The following FCSK variants were observed in gnomAD, a reference collection of about 807,000 sequenced individuals.
The protein encoded by FCSK is L-fucose kinase.
Under a neutral mutation model 122.5 loss-of-function variants are expected in FCSK, and 123 were observed. The ratio of observed to expected loss-of-function variants is 1.00; its 90% CI spans 0.87 to 1.17. The LOEUF is 1.17. Among genes scored for constraint, FCSK ranks in the 50% most tolerant of loss-of-function variants. The probability of loss-of-function intolerance (pLI) is 0.00; values close to 1 mark genes in which losing one functional copy is unlikely to be tolerated. For synonymous variants in FCSK, 620 were observed against 625.5 expected, an observed-to-expected ratio of 0.99 and a Z score of 0.13; for missense variants, 1,366 against 1,450.4, an observed-to-expected ratio of 0.94 and a Z score of 0.95.
chr16:70,478,793 C>T, intron 22 of FCSK, 143 bp downstream of exon 22: 1 of 752,006 alleles, frequency 1.3e-6, no homozygotes, highest in Non-Finnish European at 2.3e-6. Flanking sequence ...TCTGTCCTCT[C>T]CAGGGTCTCA....
In FCSK at chr16:70,474,892, G is replaced by A. The variant is rs1268190695; in HGVS notation, c.2258G>A (p.Arg753His). 6 of 1,607,174 alleles carry A rather than the reference G, an allele frequency of 3.7e-6. No homozygotes were observed. The highest frequency in any genetic ancestry group is 1.1e-5 in the South Asian group (1 of 90,148). The change falls in exon 18 of 24, where the codon CGC becomes CAC. Residue 753 changes from arginine (R) to histidine (H), a missense_variant. Coordinates refer to ENST00000288078, the MANE Select transcript of FCSK (RefSeq NM_145059.3). ...CGCCGGCCCATCGGAGCCAGGGCAC[G>A]CCGCATCCCGGAGCCTGAGCTGTGG... is the stretch of plus-strand genomic sequence containing the variant. ...DGRRPIGARA[R>H]RIPEPELWLA...
intron 1 of FCSK, among the ~76,000 whole-genome samples, chr16:70,455,514 C>CAAG (rs939021667): frequency 6.6e-5 from 10 of 151,204 alleles, no homozygotes; most frequent in Non-Finnish European, 1.5e-4. Context: ...CCAACAACAA[C>CAAG]AACAACAAAA....
In FCSK at chr16:70,471,329, G is replaced by C. The variant is rs756236846; in HGVS notation, c.1318G>C (p.Val440Leu). 4.0e-5 allele frequency: 64 copies of C among 1,593,426 alleles called. No individual in the cohort carries two copies. The highest frequency in any genetic ancestry group is 4.9e-5 in the Non-Finnish European group (57 of 1,168,876). Residue 440 changes from valine to leucine, a missense_variant, in exon 13 of 24, where the codon GTT becomes CTT. Val to Leu is a conservative substitution (Grantham distance 32, BLOSUM62 1). Transcript: ENST00000288078. ...HGSPGHAFTL[V>L]GRLDSWERQG... Reference sequence around the variant, plus strand: ...CTCCCCGGGCCACGCCTTCACCCTCGTTGGCCGTCTGGACAGCTGGGAGGT... The same window carrying C: ...CTCCCCGGGCCACGCCTTCACCCTCCTTGGCCGTCTGGACAGCTGGGAGGT...
At chr16:70,463,865 T>A in intron 3 of FCSK, 91 bp downstream of exon 3, 1 of 1,369,796 alleles carries the variant, frequency 7.3e-7, no homozygotes, top group Non-Finnish European at 9.9e-7. Context: ...CTCCATCGCC[T>A]TGGCCAACTC....
At chr16:70,459,500 T>G (rs2048196033) in intron 1 of FCSK, among the ~76,000 whole-genome samples, 1 of 152,052 alleles carries the variant, frequency 6.6e-6, no homozygotes, top group Non-Finnish European at 1.5e-5. Flanking sequence ...ATTGTACCAC[T>G]GCACTCCAGC....
chr16:70,479,495 C>G (rs1273563091), intron 23 of FCSK, 84 bp from the exon 24 acceptor site: 1 of 1,479,546 alleles, frequency 6.8e-7, no homozygotes, highest in Non-Finnish European at 9.3e-7. Flanking sequence ...ATCTGTAAGT[C>G]CCCCTGGTCC....
chr16:70,466,987 T>A (rs1272545369), intron 6 of FCSK, 33 bp downstream of exon 6: 1 of 1,597,320 alleles, frequency 6.3e-7, no homozygotes, highest in Non-Finnish European at 8.6e-7. Context: ...CTGCCTTCCT[T>A]CGTCACAGCC....
chr16:70,455,096 G>GT (rs777329436), intron 1 of FCSK, among the ~76,000 whole-genome samples: 9 of 152,182 alleles, frequency 5.9e-5, no homozygotes, highest in Non-Finnish European at 1.2e-4. Context: ...ACTTCTTTCG[G>GT]TCTGTTATTT....
intron 1 of FCSK, among the ~76,000 whole-genome samples, chr16:70,460,204 C>T (rs548803989): frequency 1.4e-4 from 20 of 147,960 alleles, no homozygotes; most frequent in South Asian, 1.1e-3. Context: ...CTCCGCCTCC[C>T]GGGTTCATGC....
intron 4 of FCSK, among the ~76,000 whole-genome samples, chr16:70,465,908 G>T (rs779596056): frequency 1.3e-5 from 2 of 152,130 alleles, no homozygotes; most frequent in African/African-American, 4.8e-5. Flanking sequence ...AGCCAAGATC[G>T]CACTACTGCA....
chr16:70,466,679 A>G (rs1411618794), intron 5 of FCSK: 2 of 586,004 alleles, frequency 3.4e-6, no homozygotes, highest in Non-Finnish European at 6.1e-6. Flanking sequence ...CCTGGGTGAC[A>G]GTGAGACCCT....
rs556948455 is a variant in FCSK at position 70,473,322 on chromosome 16, C to T, written c.1746C>T (p.Cys582=). The change falls in exon 15 of 24, where the codon TGC becomes TGT. Residue 582 remains cysteine (C), a synonymous_variant. Transcript: ENST00000288078. This position sits in a 1 kb window ranked among gnomAD's most constrained non-coding sequence, Gnocchi z 4.9. ...TCTGGGCTGCTGTCCGCGAGGGCTG[C>T]CCCGGGCCCCTGCTGGCCACGCTGG... The part of the protein sequence containing the change: ...PLIWAAVREG[C]PGPLLATLDQ... 2 of 1,513,846 alleles carry T rather than the reference C, an allele frequency of 1.3e-6. No homozygotes were observed. The highest frequency in any genetic ancestry group is 1.2e-5 in the South Asian group (1 of 81,078). 93.8% of individuals were successfully genotyped at this position (1,513,846 alleles called of 1,614,324 possible). A position where few individuals can be genotyped will look rare whatever the true frequency, so the allele number is the denominator to read the frequency against.
chr16:70,474,587 G>A lies in FCSK; in HGVS notation c.2048G>A (p.Arg683His), dbSNP rs377513686. 51 of 1,565,502 alleles carry A rather than the reference G, an allele frequency of 3.3e-5. No individual in the cohort carries two copies. In the South Asian group the frequency reaches 4.1e-4, roughly 13 times the overall value. ...GAGGGGGCTGGTCAGATCCTGATCCGCCAGGCTGTGATGTCAGCCCAGCAC... is the reference window on the plus strand; with the variant it reads ...GAGGGGGCTGGTCAGATCCTGATCCACCAGGCTGTGATGTCAGCCCAGCAC... ...HYEGAGQILI[R>H]QAVMSAQHFV... The change falls in exon 17 of 24, where the codon CGC becomes CAC. Residue 683 changes from arginine to histidine, a missense_variant. Coordinates refer to ENST00000288078, the MANE Select transcript of FCSK (RefSeq NM_145059.3).
rs746691145 is a variant in FCSK, at chr16:70,470,339, C to G, written c.981C>G (p.Ser327Arg). Reference sequence around the variant, plus strand: ...CCTATGTCTCCAGCGGCAGCTACAGCTACATGACCTCCTCAGCCAGTGAGT... The same window carrying G: ...CCTATGTCTCCAGCGGCAGCTACAGGTACATGACCTCCTCAGCCAGTGAGT... ...TMAYVSSGSYSYMTSSASEFL... is the reference protein window; with the variant it reads ...TMAYVSSGSYRYMTSSASEFL... The change falls in exon 11 of 24, where the codon AGC becomes AGG. Residue 327 changes from serine (S) to arginine (R), a missense_variant. By Grantham distance (110) the Ser-to-Arg change is moderately radical. Transcript: ENST00000288078. 2.0e-5 allele frequency: 32 copies of G among 1,613,556 alleles called. No homozygotes were observed. The Admixed American group carries it at 4.5e-4, about 23-fold the overall frequency.
At chr16:70,466,977 C>T (rs1213727645) in intron 6 of FCSK, 23 bp downstream of exon 6, 1 of 1,608,004 alleles carries the variant, frequency 6.2e-7, no homozygotes, top group South Asian at 1.1e-5. Context: ...CTACCTGGGA[C>T]TGCCTTCCTT....
intron 14 of FCSK, 62 bp downstream of exon 14, chr16:70,472,667 G>A (rs1304666978): frequency 1.5e-6 from 2 of 1,347,472 alleles, no homozygotes; most frequent in Non-Finnish European, 2.1e-6. Context: ...GCTGCTCTTT[G>A]AGGTGTGTCC....
chr16:70,469,584 C>G (rs546308957), intron 10 of FCSK, among the ~76,000 whole-genome samples: 1 of 152,148 alleles, frequency 6.6e-6, no homozygotes, highest in Non-Finnish European at 1.5e-5. Flanking sequence ...GACGGACTCT[C>G]TCTTTGTCGC....
At chr16:70,464,225 A>G (rs1280515162) in intron 3 of FCSK, among the ~76,000 whole-genome samples, 1 of 152,186 alleles carries the variant, frequency 6.6e-6, no homozygotes, top group East Asian at 1.9e-4. Flanking sequence ...GAGGGCGAGC[A>G]CAGACTTGGA....
intron 4 of FCSK, 45 bp from the exon 5 acceptor site, chr16:70,466,087 G>A (rs768030766): frequency 2.5e-6 from 4 of 1,597,622 alleles, no homozygotes; most frequent in Non-Finnish European, 3.4e-6. Flanking sequence ...AGGTGGCCTT[G>A]GGCTCTGTGC....
Sources: gnomAD v4.1 joint callset for allele counts (sites outside exome capture counted in the v4.1 genomes callset) on GRCh38, gnomAD v4.1.1 for gene constraint, Gnocchi (gnomAD v3.1) non-coding constraint, MANE v1.5 for transcripts, NCBI Gene and HGNC (gene_info 2026-07-23, HGNC 2026-07-21) for gene names.